The following ALG13 variants were observed in gnomAD, a reference collection of about 807,000 sequenced individuals.
The protein encoded by ALG13 is ALG13 UDP-N-acetylglucosaminyltransferase subunit, also known as UDP-N-acetylglucosamine transferase subunit ALG13.
In ALG13, 11 loss-of-function variants were observed where a neutral mutation model predicts 87.8. The ratio of observed to expected loss-of-function variants is 0.13; its 90% CI spans 0.08 to 0.21. The LOEUF is 0.21. Among genes scored for constraint, ALG13 ranks in the 10% least tolerant of loss-of-function variants. The pLI is 1.00. For missense variants in ALG13, 756 were observed against 866.1 expected, an observed-to-expected ratio of 0.87 and a Z score of 1.60; for synonymous variants, 320 against 306.3, an observed-to-expected ratio of 1.04 and a Z score of -0.47.
chrX:111,690,612 A>C, intron 3 of ALG13, among the ~76,000 whole-genome samples: 1 of 110,281 alleles, frequency 9.1e-6, no homozygotes, highest in Non-Finnish European at 1.9e-5. Context: ...TTTTAATTTT[A>C]ATTTTTTTTT....
chrX:111,742,163 T>A (rs1943803661), intron 23 of ALG13, among the ~76,000 whole-genome samples: 1 of 112,024 alleles, frequency 8.9e-6, no homozygotes, highest in Non-Finnish European at 1.9e-5. Flanking sequence ...ATCTGGCTGA[T>A]TTTTAGTTGC....
intron 3 of ALG13, chrX:111,688,922 C>A (rs1038338854): frequency 7.5e-5 from 56 of 745,191 alleles, no homozygotes; most frequent in Non-Finnish European, 8.7e-5. Flanking sequence ...CTCTCTGGTA[C>A]AATGTTTAGA....
Position 111,730,597 on chromosome X carries a change from A to T in ALG13, c.2457+17A>T. The T allele has an allele frequency of 7.9e-6, 9 of 1,146,412 alleles. No homozygotes were observed. The highest frequency in any genetic ancestry group is 9.4e-6 in the Non-Finnish European group (8 of 850,810). The allele number at this position is 1,146,412 out of a possible 1,213,427, so 94.5% of individuals were successfully genotyped here. On this transcript the variant is annotated intron_variant, in intron 21 of 26. Coordinates refer to ENST00000394780, the MANE Select transcript of ALG13 (RefSeq NM_001099922.3). ...GCAAACTTGGTAGGTATTTAATAAT[A>T]GCAAAGAGTTATAGCTCCTACTATG...
At chrX:111,731,598 A>G (rs1942695474) in intron 21 of ALG13, among the ~76,000 whole-genome samples, 1 of 111,799 alleles carries the variant, frequency 8.9e-6, no homozygotes, top group Admixed American at 9.5e-5. Flanking sequence ...CTTGCTACTT[A>G]CAGAAGATTG....
intron 6 of ALG13, among the ~76,000 whole-genome samples, chrX:111,712,042 T>TTA (rs1939859773): frequency 8.9e-6 from 1 of 112,061 alleles, no homozygotes; most frequent in Non-Finnish European, 1.9e-5. Flanking sequence ...CAAGAGGTCA[T>TTA]TATTTTGTTA....
At chrX:111,712,434 C>G in intron 6 of ALG13, 50 bp from the exon 7 acceptor site, 2 of 918,826 alleles carry the variant, frequency 2.2e-6, no homozygotes, top group African/African-American at 2.0e-5. Context: ...AAAAAACTAC[C>G]TCCTAGCTAC....
chrX:111,704,886 T>C (rs765651569), intron 3 of ALG13, among the ~76,000 whole-genome samples: 17 of 112,103 alleles, frequency 1.5e-4, no homozygotes, highest in South Asian at 3.7e-4. Context: ...ATTTAATTTT[T>C]AGTGAATATA....
At chrX:111,727,088 C>G in intron 16 of ALG13, 33 bp downstream of exon 16, 1 of 1,203,581 alleles carries the variant, frequency 8.3e-7, no homozygotes, top group Non-Finnish European at 1.1e-6. Flanking sequence ...TTTTCATGGT[C>G]TAGGGAAATA....
At chrX:111,699,141 C>G (rs1937391635) in intron 3 of ALG13, among the ~76,000 whole-genome samples, 1 of 111,532 alleles carries the variant, frequency 9.0e-6, no homozygotes, top group South Asian at 3.7e-4. Context: ...TACTTGTTTG[C>G]CATTTTTATG....
chrX:111,701,157 T>G (rs1010652203), intron 3 of ALG13, among the ~76,000 whole-genome samples: 6 of 111,733 alleles, frequency 5.4e-5, no homozygotes, highest in African/African-American at 1.6e-4. Flanking sequence ...TCAGGGATAT[T>G]GGTCTGTAAA....
chrX:111,700,001 A>G (rs753668677), intron 3 of ALG13, among the ~76,000 whole-genome samples: 3 of 103,981 alleles, frequency 2.9e-5, no homozygotes, highest in Admixed American at 1.0e-4. Flanking sequence ...TATTCTTCCA[A>G]TCCATAAACA....
At chrX:111,702,765 TA>T (rs914790520) in intron 3 of ALG13, among the ~76,000 whole-genome samples, 7 of 108,259 alleles carry the variant, frequency 6.5e-5, no homozygotes, top group Non-Finnish European at 1.2e-4. Context: ...CCCCAGACTT[TA>T]AAAAAAAAAT....
intron 3 of ALG13, among the ~76,000 whole-genome samples, chrX:111,690,701 G>A (rs1205352663): frequency 1.8e-5 from 2 of 109,569 alleles, no homozygotes; most frequent in African/African-American, 6.7e-5. Context: ...CAATCCGCCC[G>A]CCTCGGCCTC....
At chrX:111,733,161 T>TCAA (rs1156277369) in intron 21 of ALG13, among the ~76,000 whole-genome samples, 2 of 111,668 alleles carry the variant, frequency 1.8e-5, no homozygotes, top group Admixed American at 1.9e-4. Flanking sequence ...AATAGGTTTT[T>TCAA]TGGAGAACAG....
intron 2 of ALG13, among the ~76,000 whole-genome samples, chrX:111,684,392 G>C (rs186353964): frequency 9.1e-6 from 1 of 110,346 alleles, no homozygotes; most frequent in Non-Finnish European, 1.9e-5. Context: ...TGCAATCATA[G>C]CTCACTTCAA....
Position 111,712,290 on chromosome X carries a change from A to G in ALG13, c.886-194A>G, listed in dbSNP as rs757581144. Among the ~76,000 whole-genome samples the G allele has an allele frequency of 7.2e-5, 8 of 111,721 alleles. No individual in the cohort carries two copies. The Admixed American group carries it at 7.6e-4, about 11-fold the overall frequency. ...TTACTTAATGGCTAAGTAGGGCTTT[A>G]GATCCTTCTTTCAGGATAAGTTTAT... On this transcript the variant is annotated intron_variant, in intron 6 of 26. Coordinates refer to ENST00000394780, the MANE Select transcript of ALG13 (RefSeq NM_001099922.3).
At chrX:111,713,892 G>A (rs7067021) in intron 8 of ALG13, among the ~76,000 whole-genome samples, 6,028 of 112,025 alleles carry the variant, frequency 0.054, 389 homozygotes, top group African/African-American at 0.18. Flanking sequence ...TTGTTTGTCA[G>A]CATACAGCTT....
At chrX:111,728,815 C>T (rs771519352) in intron 19 of ALG13, among the ~76,000 whole-genome samples, 2 of 111,092 alleles carry the variant, frequency 1.8e-5, no homozygotes, top group Admixed American at 9.6e-5. Flanking sequence ...TATAGTCCTT[C>T]GTGTGCTCTT....
chrX:111,735,501 A>G lies in ALG13; in HGVS notation c.2529+379A>G, dbSNP rs753560850. Among the ~76,000 whole-genome samples, 6 of 111,697 alleles carry G rather than the reference A, an allele frequency of 5.4e-5. No individual in the cohort carries two copies. In the Admixed American group the frequency reaches 5.7e-4, roughly 11 times the overall value. On this transcript the variant is annotated intron_variant, in intron 22 of 26. Coordinates refer to ENST00000394780, the MANE Select transcript of ALG13 (RefSeq NM_001099922.3). Reference sequence around the variant, plus strand: ...AGCTGAAACCATAGGAGTAAACAAGATCATCCTGGGCAAAGGAAGAGATTG... The same window carrying G: ...AGCTGAAACCATAGGAGTAAACAAGGTCATCCTGGGCAAAGGAAGAGATTG...
Sources: allele counts gnomAD v4.1 joint callset (sites outside exome capture counted in the v4.1 genomes callset), GRCh38; gene constraint gnomAD v4.1.1; transcripts MANE v1.5; gene names NCBI Gene and HGNC (gene_info 2026-07-23, HGNC 2026-07-21).